The following MYLK variants were observed in gnomAD, a reference collection of about 807,000 sequenced individuals.
MYLK encodes myosin light chain kinase, smooth muscle.
In MYLK, 106 loss-of-function variants were observed where a neutral mutation model predicts 203.4. That is an observed-to-expected ratio of 0.52 (90% CI 0.45 to 0.61). The LOEUF (loss-of-function observed/expected upper bound fraction) is 0.61. Ranked by LOEUF, MYLK falls within the 20% of genes least tolerant of loss-of-function variation. MYLK has a pLI of 0.00. For synonymous variants in MYLK, 867 were observed against 959.5 expected (o/e 0.90, Z 1.78); for missense variants, 2,072 against 2,442.3 (o/e 0.85, Z 3.20).
rs746816444 is a variant in MYLK at position 123,876,547 on chromosome 3, T to G, written c.-127+12A>C. Reference sequence around the variant, plus strand: ...AGAAAATATAAGAATCCATCTTTTATCATGCTATTACCTTTATTTTTTCTC... The same window carrying G: ...AGAAAATATAAGAATCCATCTTTTAGCATGCTATTACCTTTATTTTTTCTC... On this transcript the variant is annotated intron_variant, in intron 2 of 33. Coordinates refer to ENST00000360304, the MANE Select transcript of MYLK (RefSeq NM_053025.4). The G allele has an allele frequency of 3.9e-5, 6 of 152,236 alleles. No homozygotes were observed. Among genetic ancestry groups the G allele is most frequent in the Non-Finnish European group, 5.9e-5 (4 of 68,054 alleles). 9.4% of individuals were successfully genotyped at this position (152,236 alleles called of 1,614,324 possible).
intron 24 of MYLK, among the ~76,000 whole-genome samples, chr3:123,654,569 T>A (rs1272471574): frequency 6.6e-6 from 1 of 152,184 alleles, no homozygotes; most frequent in Non-Finnish European, 1.5e-5. Context: ...ATTCTGCATG[T>A]GGAGCTCAGT....
chr3:123,724,915 T>C (rs571290080), intron 12 of MYLK, among the ~76,000 whole-genome samples: 1 of 151,826 alleles, frequency 6.6e-6, no homozygotes, highest in South Asian at 2.1e-4. Flanking sequence ...GGCTAAGTTT[T>C]GTATTTTTAG....
At position 123,815,255 on chromosome 3, in the gene MYLK, TCTCCTG is replaced by T. The variant is rs1240704956; in HGVS notation, c.-4+16287_-4+16292del. ...GACTTGTGGCTCCCCAGTATTTTAC[TCTCCTG>T]CCTCAGCCTCCGTTTAAGCTTGTTC... On this transcript the variant is annotated intron_variant, in intron 3 of 33. Transcript: ENST00000360304. Among the ~76,000 whole-genome samples the T allele has an allele frequency of 3.9e-5, 6 of 152,272 alleles. 1 individual carries two copies. The South Asian group carries it at 1.2e-3, about 32-fold the overall frequency.
At chr3:123,834,025 GT>G (rs751522728) in intron 2 of MYLK, among the ~76,000 whole-genome samples, 18 of 151,422 alleles carry the variant, frequency 1.2e-4, no homozygotes, top group Non-Finnish European at 2.4e-4. Context: ...TTTCATTACT[GT>G]TTTTTGTTTG....
chr3:123,861,677 C>T (rs1337681053), intron 2 of MYLK, among the ~76,000 whole-genome samples: 1 of 152,134 alleles, frequency 6.6e-6, no homozygotes, highest in Non-Finnish European at 1.5e-5. Flanking sequence ...CATTGAGCTC[C>T]CGGTGGGCAG....
chr3:123,704,001 G>C (rs2061352117), intron 16 of MYLK, among the ~76,000 whole-genome samples: 1 of 152,242 alleles, frequency 6.6e-6, no homozygotes, highest in Non-Finnish European at 1.5e-5. Context: ...CTCCCCATGG[G>C]GGAAGCAGGT....
At chr3:123,867,420 CCA>C (rs2032406795) in intron 2 of MYLK, among the ~76,000 whole-genome samples, 1 of 133,326 alleles carries the variant, frequency 7.5e-6, no homozygotes, top group African/African-American at 3.0e-5. Flanking sequence ...TGACTAGTAT[CCA>C]AAAAAAAAAA....
intron 19 of MYLK, chr3:123,692,101 C>G (rs1406116564): frequency 6.1e-6 from 1 of 164,894 alleles, no homozygotes; most frequent in South Asian, 1.7e-4. Flanking sequence ...AGGACAAAGC[C>G]CAGTTCCTCG....
chr3:123,836,524 T>C (rs1296828906), intron 2 of MYLK, among the ~76,000 whole-genome samples: 1 of 152,246 alleles, frequency 6.6e-6, no homozygotes, highest in African/African-American at 2.4e-5. Flanking sequence ...AGAAGTGTTC[T>C]GAGTGTCTGG....
intron 20 of MYLK, among the ~76,000 whole-genome samples, chr3:123,674,391 T>G (rs778557402): frequency 4.6e-5 from 7 of 152,236 alleles, no homozygotes; most frequent in Admixed American, 1.3e-4. Flanking sequence ...AATGCAAATA[T>G]GATGTCACTT....
rs1415699328 is a variant in MYLK, at chr3:123,733,865, G to A, written c.1131C>T (p.Pro377=). 17 of 1,614,120 alleles carry A rather than the reference G, an allele frequency of 1.1e-5. No homozygotes were observed. The highest frequency in any genetic ancestry group is 1.4e-5 in the Non-Finnish European group (17 of 1,180,038). ...SGEERKRPAP[P]RPATFPTRQP... ...GCCTGGTGGGGAAGGTGGCTGGACG[G>A]GGAGGAGCTGGCCTCTTCCTCTCTT... The change falls in exon 10 of 34, where the codon CCC becomes CCT. Residue 377 remains proline (P), a synonymous_variant. Transcript: ENST00000360304.
intron 20 of MYLK, among the ~76,000 whole-genome samples, chr3:123,677,918 T>TATATATATATATATATACACAC (rs1273803739): frequency 1.4e-4 from 11 of 78,890 alleles, no homozygotes; most frequent in African/African-American, 4.3e-4. Context: ...TATATATATA[T>TATATATATATATATATACACAC]ACACACACAC....
chr3:123,752,331 C>T lies in MYLK; in HGVS notation c.373G>A (p.Gly125Arg), dbSNP rs777272069. 4 of 1,613,846 alleles carry T rather than the reference C, an allele frequency of 2.5e-6. No homozygotes were observed. The highest frequency in any genetic ancestry group is 1.7e-5 in the Admixed American group (1 of 60,008). The change falls in exon 5 of 34, where the codon GGA (glycine) becomes AGA (arginine). Residue 125 changes from glycine to arginine, a missense_variant and splice_region_variant. By Grantham distance (125) the Gly-to-Arg change is moderately radical. Transcript: ENST00000360304. The part of the protein sequence containing the change: ...RQVTVELTVE[G>R]SFAKQLGQPV... ...TGGACTCGGGCCTCCTGGGACTCAC[C>T]TTCTACTGTCAACTCCACTGTCACC...
intron 5 of MYLK, among the ~76,000 whole-genome samples, chr3:123,749,049 A>C (rs1202409717): frequency 6.6e-6 from 1 of 151,838 alleles, no homozygotes; most frequent in Non-Finnish European, 1.5e-5. Context: ...AGCCTGGGTG[A>C]CACGGCAAGA....
intron 3 of MYLK, among the ~76,000 whole-genome samples, chr3:123,829,033 T>C (rs2066232947): frequency 6.6e-6 from 1 of 151,990 alleles, no homozygotes; most frequent in South Asian, 2.1e-4. Context: ...AAAACCAATA[T>C]AGAGGTTCTT....
chr3:123,774,576 G>C (rs1237629716), intron 4 of MYLK, among the ~76,000 whole-genome samples: 3 of 152,208 alleles, frequency 2.0e-5, no homozygotes, highest in Non-Finnish European at 4.4e-5. Flanking sequence ...CTACTTTTCA[G>C]GGGAGTCAAA....
chr3:123,625,469 AGG>A, intron 31 of MYLK, among the ~76,000 whole-genome samples: 1 of 145,640 alleles, frequency 6.9e-6, no homozygotes, highest in East Asian at 2.1e-4. Context: ...CTTTGTCTCG[AGG>A]AAAAAAAAAA....
At position 123,793,722 on chromosome 3, in the gene MYLK, C is replaced by G. The variant is rs1219535815; in HGVS notation, c.120G>C (p.Arg40=). Residue 40 remains arginine, a synonymous_variant, in exon 4 of 34, where the codon CGG becomes CGC. Transcript: ENST00000360304. ...TGGCTCCTTCTTTGATGCAGAGGTT[C>G]CGAGGGGGCAAAATGAAAGCAGGGG... ...TEAPAFILPP[R]NLCIKEGATA... 1 of 1,614,156 alleles carries G rather than the reference C, an allele frequency of 6.2e-7. No individual in the cohort carries two copies. Among genetic ancestry groups the G allele is most frequent in the Non-Finnish European group, 8.5e-7 (1 of 1,180,026 alleles).
chr3:123,845,013 C>G (rs2066681181), intron 2 of MYLK, among the ~76,000 whole-genome samples: 1 of 152,134 alleles, frequency 6.6e-6, no homozygotes, highest in South Asian at 2.1e-4. Context: ...GACCTCTCCA[C>G]TAGTTTTCAA....
Sources: gnomAD v4.1 joint callset for allele counts (sites outside exome capture counted in the v4.1 genomes callset) on GRCh38, gnomAD v4.1.1 for gene constraint, MANE v1.5 for transcripts, NCBI Gene and HGNC (gene_info 2026-07-23, HGNC 2026-07-21) for gene names.